The following BANP variants were observed in gnomAD, a reference collection of about 807,000 sequenced individuals.
BANP encodes the protein BTG3 associated nuclear protein.
In BANP, 11 loss-of-function variants were observed where a neutral mutation model predicts 68.1. The ratio of observed to expected loss-of-function variants is 0.16; its 90% confidence interval spans 0.10 to 0.27. BANP has a LOEUF of 0.27. Among genes scored for constraint, BANP ranks in the 10% least tolerant of loss-of-function variants. BANP has a pLI of 1.00. For missense variants in BANP, 504 were observed against 722.7 expected (o/e 0.70, Z 3.47); for synonymous variants, 329 against 303.2 (o/e 1.09, Z -0.88).
rs117974286 is a variant in BANP at position 88,036,807 on chromosome 16, G to A, written c.1273-1166G>A. Among the ~76,000 whole-genome samples, 199 of 152,320 alleles carry A rather than the reference G, an allele frequency of 1.3e-3. 2 individuals are homozygous for A. In the East Asian group the frequency reaches 0.033, roughly 25 times the overall value. On this transcript the variant is annotated intron_variant, in intron 10 of 13. Coordinates refer to ENST00000682872, the MANE Select transcript of BANP (RefSeq NM_001386991.1). The surrounding 1 kb of genome is among the most constrained non-coding windows in gnomAD (Gnocchi z 4.2). ...CGGTCCCAGGAGGCCAGAGTGTCCA[G>A]GAAGGAGCAGGGCCTTCCCTGTTCT...
chr16:87,981,302 G>T (rs1343777497), intron 3 of BANP, among the ~76,000 whole-genome samples, 175 bp downstream of exon 3: 1 of 152,202 alleles, frequency 6.6e-6, no homozygotes, highest in Admixed American at 6.5e-5. Flanking sequence ...CTAGAAGGTG[G>T]ATCCTTCCTG....
rs1380326601 is a variant in BANP, at chr16:88,015,305, C to T, written c.656-3123C>T. Among the ~76,000 whole-genome samples, 6 of 149,424 alleles carry T rather than the reference C, an allele frequency of 4.0e-5. No homozygotes were observed. The South Asian group carries it at 1.3e-3, about 32-fold the overall frequency. On this transcript the variant is annotated intron_variant, in intron 6 of 13. Coordinates refer to ENST00000682872, the MANE Select transcript of BANP (RefSeq NM_001386991.1). ...GTACCTCCCTGCCTGTGCCCTCTGC[C>T]CGTGCCCCCTCAGCTCGTGCCCTCT...
intron 1 of BANP, among the ~76,000 whole-genome samples, chr16:87,969,081 T>G (rs73240802): frequency 0.02 from 3,052 of 152,294 alleles, 91 homozygotes; most frequent in African/African-American, 0.069. Flanking sequence ...CACACTGCCC[T>G]GCCCAGTTGA....
chr16:88,014,223 T>G (rs2073942397), intron 6 of BANP, among the ~76,000 whole-genome samples: 1 of 152,156 alleles, frequency 6.6e-6, no homozygotes, highest in African/African-American at 2.4e-5. Flanking sequence ...CACCCAGAGC[T>G]GGGGCAGCTC....
intron 7 of BANP, among the ~76,000 whole-genome samples, chr16:88,024,274 A>C (rs1408815859): frequency 2.6e-5 from 4 of 152,176 alleles, no homozygotes; most frequent in Admixed American, 6.5e-5. Flanking sequence ...TTGCACTTTA[A>C]GGCCGGTGCT....
At chr16:87,978,205 A>G (rs1456591231) in intron 2 of BANP, among the ~76,000 whole-genome samples, 4 of 152,280 alleles carry the variant, frequency 2.6e-5, no homozygotes, top group Non-Finnish European at 5.9e-5. Flanking sequence ...ATACAGAATT[A>G]TAGAAAGGAA....
chr16:87,996,682 C>A (rs997198029), intron 4 of BANP, among the ~76,000 whole-genome samples: 1 of 150,422 alleles, frequency 6.6e-6, no homozygotes. Flanking sequence ...GCTGGGCCCT[C>A]GTCCTGGGCG....
At position 87,958,633 on chromosome 16, in the gene BANP, T is replaced by TG. The variant is rs2058554686; in HGVS notation, c.-69+7119dup. On this transcript the variant is annotated intron_variant, in intron 1 of 13. Transcript: ENST00000682872. ...TCACTCGAGCCCGGGAATTGGAGGC[T>TG]GCAGGGCTGCAGTGAGCCATGATTG... 2.6e-5 allele frequency among the ~76,000 whole-genome samples: 4 copies of TG among 152,316 alleles called. No homozygotes were observed. The South Asian group carries it at 8.3e-4, about 32-fold the overall frequency.
chr16:87,951,228 A>C (rs1227089201), upstream of BANP, among the ~76,000 whole-genome samples: 1 of 152,188 alleles, frequency 6.6e-6, no homozygotes, highest in Non-Finnish European at 1.5e-5. Flanking sequence ...GCGTGGGCGA[A>C]AAACGGGGGG....
At chr16:88,069,979 G>C (rs1454255335) in intron 12 of BANP, among the ~76,000 whole-genome samples, 3 of 152,106 alleles carry the variant, frequency 2.0e-5, no homozygotes, top group Non-Finnish European at 2.9e-5. Flanking sequence ...GCCCCAGTCA[G>C]CATGCGGACG....
At chr16:88,015,147 A>C (rs1470287495) in intron 6 of BANP, among the ~76,000 whole-genome samples, 7 of 101,756 alleles carry the variant, frequency 6.9e-5, no homozygotes, top group East Asian at 6.7e-4. Flanking sequence ...GTGCTCCCTT[A>C]GCTCGTGCCC....
intron 11 of BANP, among the ~76,000 whole-genome samples, chr16:88,041,063 T>G (rs1057401496): frequency 7.2e-5 from 11 of 152,140 alleles, no homozygotes; most frequent in Admixed American, 3.3e-4. Flanking sequence ...CCCTGTGCCC[T>G]GTGCCCCCAC....
intron 1 of BANP, among the ~76,000 whole-genome samples, chr16:87,954,691 G>A (rs540293737): frequency 3.9e-5 from 6 of 152,362 alleles, no homozygotes; most frequent in Non-Finnish European, 7.4e-5. Flanking sequence ...AGGGCTCTGC[G>A]AGGCTTGGAG....
chr16:87,955,475 C>T (rs2057851338), intron 1 of BANP, among the ~76,000 whole-genome samples: 1 of 152,198 alleles, frequency 6.6e-6, no homozygotes, highest in African/African-American at 2.4e-5. Flanking sequence ...CTTATGTAAC[C>T]AGGCATCCAT....
chr16:88,072,493 C>T (rs1027600119), intron 13 of BANP, among the ~76,000 whole-genome samples: 22 of 152,376 alleles, frequency 1.4e-4, no homozygotes, highest in Admixed American at 6.5e-4. Context: ...CTGCCCTGTC[C>T]TCCCTCCACA....
chr16:88,060,120 G>A (rs1390995576), intron 11 of BANP, among the ~76,000 whole-genome samples: 1 of 152,292 alleles, frequency 6.6e-6, no homozygotes, highest in Non-Finnish European at 1.5e-5. Flanking sequence ...TGAGCGGCTT[G>A]TGTGAGAAGT....
chr16:88,020,202 C>T (rs2075733581), intron 7 of BANP, among the ~76,000 whole-genome samples: 1 of 152,226 alleles, frequency 6.6e-6, no homozygotes, highest in Non-Finnish European at 1.5e-5. Flanking sequence ...TCAGGCTTTG[C>T]AGGCCCTGGG....
intron 1 of BANP, among the ~76,000 whole-genome samples, chr16:87,964,436 C>CCAGGAGGCGTG (rs111681272): frequency 6.6e-6 from 1 of 151,618 alleles, no homozygotes; most frequent in East Asian, 2.0e-4. Flanking sequence ...GCCGAGGCGT[C>CCAGGAGGCGTG]CAGGAGGCGT....
At position 87,957,677 on chromosome 16, in the gene BANP, A is replaced by G. The variant is rs917549252; in HGVS notation, c.-69+6162A>G. On this transcript the variant is annotated intron_variant, in intron 1 of 13. Coordinates refer to ENST00000682872, the MANE Select transcript of BANP (RefSeq NM_001386991.1). The surrounding 1 kb of genome is among the most constrained non-coding windows in gnomAD (Gnocchi z 4.3). ...AGCAAAGCTTAATCTTTCTGAAAGT[A>G]GAAACGCGTTTGGATGGAGCCGGGA... Among the ~76,000 whole-genome samples the G allele has an allele frequency of 2.6e-5, 4 of 152,264 alleles. No individual in the cohort carries two copies. The South Asian group carries it at 8.3e-4, about 31-fold the overall frequency.
Sources: allele counts gnomAD v4.1 joint callset (sites outside exome capture counted in the v4.1 genomes callset), GRCh38; gene constraint gnomAD v4.1.1; non-coding constraint Gnocchi (gnomAD v3.1); transcripts MANE v1.5; gene names NCBI Gene and HGNC (gene_info 2026-07-23, HGNC 2026-07-21).